The following ALPK2 variants were observed in gnomAD, a reference collection of about 807,000 sequenced individuals.
The protein encoded by ALPK2 is alpha-protein kinase 2.
In ALPK2, 127 loss-of-function variants were observed where a neutral mutation model predicts 163.1. That is an observed-to-expected ratio of 0.78 (90% confidence interval 0.67 to 0.90). The LOEUF (loss-of-function observed/expected upper bound fraction) is 0.90, where lower values mean the gene tolerates loss of function less well. Ranked by LOEUF, ALPK2 falls within the 40% of genes least tolerant of loss-of-function variation. The pLI, the probability that ALPK2 is intolerant of heterozygous loss-of-function variation, is 0.00. For synonymous variants in ALPK2, 953 were observed against 959.1 expected, an observed-to-expected ratio of 0.99 and a Z score of 0.12; for missense variants, 2,360 against 2,589.6, an observed-to-expected ratio of 0.91 and a Z score of 1.92.
At position 58,614,581 on chromosome 18, in the gene ALPK2, C is replaced by T. The variant is rs1362798598; in HGVS notation, c.-20-2764G>A. On this transcript the variant is annotated intron_variant, in intron 1 of 12. Transcript: ENST00000361673. The stretch of plus-strand genomic sequence containing the variant: ...AGGTTACGGGTACATTTGGTGGTTA[C>T]GGAATGGATATCAATTGGTATTTTT... Among the ~76,000 whole-genome samples the T allele has an allele frequency of 5.3e-5, 8 of 152,256 alleles. No individual in the cohort carries two copies. In the East Asian group the frequency reaches 7.7e-4, roughly 15 times the overall value.
chr18:58,552,796 A>C lies in ALPK2; in HGVS notation c.1963-14572T>G, dbSNP rs570528791. 2.5e-3 allele frequency among the ~76,000 whole-genome samples: 385 copies of C among 152,302 alleles called. 4 individuals are homozygous for C. Among genetic ancestry groups the C allele is most frequent in the African/African-American group, 8.8e-3 (367 of 41,568 alleles). ...GGCAGTGGCCCAGATGAAATTATGA[A>C]GCCTGGGCTACCGTGGTGGCTGGGG... On this transcript the variant is annotated intron_variant, in intron 4 of 12. Transcript: ENST00000361673.
chr18:58,553,127 A>G (rs1377874964), intron 4 of ALPK2, among the ~76,000 whole-genome samples: 2 of 152,156 alleles, frequency 1.3e-5, no homozygotes, highest in African/African-American at 4.8e-5. Context: ...GGCCAGAAGT[A>G]TGGGATGGCT....
At chr18:58,619,100 G>A (rs141498468) in intron 1 of ALPK2, among the ~76,000 whole-genome samples, 8 of 152,364 alleles carry the variant, frequency 5.3e-5, no homozygotes, top group African/African-American at 1.9e-4. Context: ...TCCCGTGTTA[G>A]TTAGGGAACC....
In ALPK2 at chr18:58,536,746, A is replaced by G; in HGVS notation, c.3441T>C (p.Ser1147=). The G allele has an allele frequency of 6.2e-7, 1 of 1,614,214 alleles. No individual in the cohort carries two copies. Among genetic ancestry groups the G allele is most frequent in the Non-Finnish European group, 8.5e-7 (1 of 1,180,044 alleles). Residue 1147 remains serine, a synonymous_variant, in exon 5 of 13, where the codon TCT becomes TCC. Coordinates refer to ENST00000361673, the MANE Select transcript of ALPK2 (RefSeq NM_052947.4). ...VQQQSLSQQG[S]LSAPDFQQSL... is the part of the protein sequence containing the mutation. Reference sequence around the variant, plus strand: ...TTTGTTGGAAATCAGGTGCAGAAAGAGAACCCTGCTGGGACAGGCTCTGCT... The same window carrying G: ...TTTGTTGGAAATCAGGTGCAGAAAGGGAACCCTGCTGGGACAGGCTCTGCT...
chr18:58,484,905 A>G (rs952019104), intron 12 of ALPK2, among the ~76,000 whole-genome samples: 1 of 152,216 alleles, frequency 6.6e-6, no homozygotes, highest in Non-Finnish European at 1.5e-5. Context: ...GATGCAACTG[A>G]TGCGGGCTTC....
At chr18:58,504,789 T>C (rs1248422825) in intron 10 of ALPK2, among the ~76,000 whole-genome samples, 2 of 151,998 alleles carry the variant, frequency 1.3e-5, no homozygotes, top group African/African-American at 2.4e-5. Context: ...CTGTCTTATG[T>C]AGGGAGGTCA....
chr18:58,574,992 T>A (rs2051911728), intron 4 of ALPK2, among the ~76,000 whole-genome samples: 2 of 152,054 alleles, frequency 1.3e-5, no homozygotes, highest in Admixed American at 1.3e-4. Flanking sequence ...GGCAGGTGGA[T>A]CACCTGAGGT....
intron 4 of ALPK2, among the ~76,000 whole-genome samples, chr18:58,549,158 T>A (rs917331204): frequency 1.3e-5 from 2 of 152,210 alleles, no homozygotes; most frequent in Admixed American, 6.5e-5. Context: ...CCACAAATAA[T>A]TGAGGTTTCA....
chr18:58,539,267 C>A (rs143600206), intron 4 of ALPK2, among the ~76,000 whole-genome samples: 1 of 152,066 alleles, frequency 6.6e-6, no homozygotes, highest in African/African-American at 2.4e-5. Context: ...AAAATAGATG[C>A]CCAGTGGCAG....
chr18:58,502,018 G>A (rs150625820), intron 11 of ALPK2, among the ~76,000 whole-genome samples: 44 of 151,736 alleles, frequency 2.9e-4, no homozygotes, highest in African/African-American at 1.0e-3. Context: ...TCAGAATAAA[G>A]GCTGGGGCAC....
intron 11 of ALPK2, among the ~76,000 whole-genome samples, chr18:58,500,188 A>G (rs2051424199): frequency 6.6e-6 from 1 of 152,166 alleles, no homozygotes; most frequent in Admixed American, 6.5e-5. Context: ...TAATAACTCA[A>G]ACATATGTAG....
chr18:58,504,408 A>G (rs1221655896), intron 10 of ALPK2, among the ~76,000 whole-genome samples: 1 of 152,186 alleles, frequency 6.6e-6, no homozygotes, highest in Non-Finnish European at 1.5e-5. Context: ...TCATATCTTA[A>G]TGACCCATCA....
chr18:58,583,390 C>G (rs1201540417), intron 3 of ALPK2, among the ~76,000 whole-genome samples: 3 of 151,838 alleles, frequency 2.0e-5, no homozygotes, highest in Non-Finnish European at 2.9e-5. Flanking sequence ...TTAGGGATCC[C>G]CTTGGCCAAG....
chr18:58,575,893 G>C (rs948517772), intron 4 of ALPK2, among the ~76,000 whole-genome samples: 34 of 152,228 alleles, frequency 2.2e-4, no homozygotes, highest in African/African-American at 8.2e-4. Flanking sequence ...AACATACCTA[G>C]AGATGCATGT....
At chr18:58,617,819 G>A (rs4940732) in intron 1 of ALPK2, among the ~76,000 whole-genome samples, 82,080 of 152,026 alleles carry the variant, frequency 0.54, 22,740 homozygotes, top group East Asian at 0.84. Context: ...AACCCAATCC[G>A]TAAGGCTCTC....
intron 11 of ALPK2, among the ~76,000 whole-genome samples, chr18:58,503,704 A>C (rs1442781101): frequency 4.6e-5 from 7 of 152,154 alleles, no homozygotes; most frequent in Non-Finnish European, 7.3e-5. Flanking sequence ...GTCCCCCCCT[A>C]GAATTTTTTT....
chr18:58,521,755 G>A (rs1232278149), intron 8 of ALPK2, among the ~76,000 whole-genome samples: 3 of 151,048 alleles, frequency 2.0e-5, no homozygotes, highest in African/African-American at 7.3e-5. Flanking sequence ...AGCCTCCTGA[G>A]TAGCTGGGAT....
intron 3 of ALPK2, among the ~76,000 whole-genome samples, chr18:58,606,909 A>G (rs1393973847): frequency 1.3e-5 from 2 of 152,148 alleles, no homozygotes; most frequent in Admixed American, 1.3e-4. Context: ...TCTAGCCTGA[A>G]CTCCACCACC....
chr18:58,544,420 T>A (rs2051706941), intron 4 of ALPK2: 1 of 152,232 alleles, frequency 6.6e-6, no homozygotes, highest in Non-Finnish European at 1.5e-5. Flanking sequence ...GTGTCTTTCA[T>A]GCCAGCCAAG....
Sources: allele counts gnomAD v4.1 joint callset (sites outside exome capture counted in the v4.1 genomes callset), GRCh38; gene constraint gnomAD v4.1.1; transcripts MANE v1.5; gene names NCBI Gene and HGNC (gene_info 2026-07-23, HGNC 2026-07-21).